The following ESR1 variants were observed in gnomAD, a reference collection of about 807,000 sequenced individuals.
ESR1 encodes estrogen receptor 1.
In ESR1, 12 loss-of-function variants were observed where a neutral mutation model predicts 52.7. The ratio of observed to expected loss-of-function variants is 0.23; its 90% CI spans 0.15 to 0.37. ESR1 has a LOEUF of 0.37. Ranked by LOEUF, ESR1 falls within the 10% of genes least tolerant of loss-of-function variation. The probability of loss-of-function intolerance (pLI) is 1.00; values close to 1 mark genes in which losing one functional copy is unlikely to be tolerated. For missense variants in ESR1, 584 were observed against 779.7 expected, an observed-to-expected ratio of 0.75 and a Z score of 2.99; for synonymous variants, 305 against 316.8, an observed-to-expected ratio of 0.96 and a Z score of 0.39.
intron 2 of ESR1, among the ~76,000 whole-genome samples, chr6:151,849,460 A>C (rs1785869620): frequency 6.6e-6 from 1 of 152,154 alleles, no homozygotes; most frequent in Non-Finnish European, 1.5e-5. Context: ...CCTGACCAAC[A>C]TGGTGAAACC....
chr6:152,052,359 C>T (rs1375777815), intron 5 of ESR1, among the ~76,000 whole-genome samples: 2 of 152,140 alleles, frequency 1.3e-5, no homozygotes, highest in Admixed American at 1.3e-4. Flanking sequence ...GCTCAATAAG[C>T]TCGCTGAATG....
chr6:151,854,019 G>T (rs754062574), intron 2 of ESR1, among the ~76,000 whole-genome samples: 2 of 152,112 alleles, frequency 1.3e-5, no homozygotes, highest in African/African-American at 4.8e-5. Context: ...ATGGTTCGTG[G>T]CCTAATTCCA....
chr6:151,770,335 A>G (rs1785411427), intron 2 of ESR1, among the ~76,000 whole-genome samples: 1 of 152,180 alleles, frequency 6.6e-6, no homozygotes, highest in South Asian at 2.1e-4. Flanking sequence ...TAAAATGGGA[A>G]AGCTATTTTG....
rs1206642175 is a variant in ESR1, at chr6:151,808,263, G to A, written c.351G>A (p.Leu117=). Residue 117 remains leucine (L), a synonymous_variant, in exon 1 of 8, where the codon CTG becomes CTA. Transcript: ENST00000206249. The part of the protein sequence containing the change: ...PLMLLHPPPQ[L]SPFLQPHGQQ... ...TGCTACTGCACCCGCCGCCGCAGCT[G>A]TCGCCTTTCCTGCAGCCCCACGGCC... The A allele has an allele frequency of 1.3e-6, 2 of 1,584,906 alleles. No individual in the cohort carries two copies. The highest frequency in any genetic ancestry group is 2.3e-5 in the East Asian group (1 of 43,948).
chr6:151,828,338 G>A (rs922177922), intron 1 of ESR1, among the ~76,000 whole-genome samples: 1 of 152,220 alleles, frequency 6.6e-6, no homozygotes, highest in Non-Finnish European at 1.5e-5. Context: ...TAAAACCTGT[G>A]TAACTGTAGC....
chr6:151,866,143 T>C (rs1789861823), intron 2 of ESR1, among the ~76,000 whole-genome samples: 1 of 152,242 alleles, frequency 6.6e-6, no homozygotes, highest in Admixed American at 6.5e-5. Flanking sequence ...ATAAGAACTA[T>C]GAAATGCTCC....
rs1238057148 is a variant in ESR1, at chr6:151,929,807, G to T, written c.761-14366G>T. On this transcript the variant is annotated intron_variant, in intron 3 of 7. Coordinates refer to ENST00000206249, the MANE Select transcript of ESR1 (RefSeq NM_000125.4). ...ATCTGACAATTTCCATCTTTTAACT[G>T]GTATATTTAAACAATTTATATTTAA... 2.0e-5 allele frequency among the ~76,000 whole-genome samples: 3 copies of T among 151,628 alleles called. No individual in the cohort carries two copies. In the East Asian group the frequency reaches 5.8e-4, roughly 29 times the overall value.
At chr6:152,124,621 A>G (rs1031005648) in intron 6 of ESR1, among the ~76,000 whole-genome samples, 5 of 152,226 alleles carry the variant, frequency 3.3e-5, no homozygotes, top group African/African-American at 9.6e-5. Context: ...CAAGAGCTCA[A>G]TCACCATCTA....
chr6:152,019,342 C>T (rs868385901), intron 5 of ESR1, among the ~76,000 whole-genome samples: 1 of 152,052 alleles, frequency 6.6e-6, no homozygotes, highest in South Asian at 2.1e-4. Flanking sequence ...GATTATCAGT[C>T]GTCAAAGTGC....
intron 1 of ESR1, among the ~76,000 whole-genome samples, chr6:151,685,043 G>A (rs9383939): frequency 0.095 from 14,330 of 150,772 alleles, 926 homozygotes; most frequent in East Asian, 0.37. Context: ...TGCAAGCTGG[G>A]AAGTTAAACT....
intron 2 of ESR1, among the ~76,000 whole-genome samples, chr6:151,730,760 A>G (rs1043101988): frequency 6.6e-6 from 1 of 152,220 alleles, no homozygotes; most frequent in Admixed American, 6.5e-5. Flanking sequence ...TGAGGTCTCA[A>G]GAATAAAGAG....
chr6:152,037,618 G>A (rs1301523940), intron 5 of ESR1, among the ~76,000 whole-genome samples: 3 of 152,170 alleles, frequency 2.0e-5, no homozygotes, highest in African/African-American at 7.2e-5. Flanking sequence ...GTTAAGTGGT[G>A]ATAATTTGGT....
At position 152,120,693 on chromosome 6, in the gene ESR1, A is replaced by G. The variant is rs1187326669; in HGVS notation, c.851-4573A>G. On this transcript the variant is annotated intron_variant, in intron 6 of 6. Coordinates refer to the ESR1 transcript ENST00000427531. ...TAGGAGGAATAAAGTCTCCTCAGGCATCTCTTTAAAATGCCGGCTCCCAGG... is the reference window on the plus strand; with the variant it reads ...TAGGAGGAATAAAGTCTCCTCAGGCGTCTCTTTAAAATGCCGGCTCCCAGG... 2.6e-5 allele frequency among the ~76,000 whole-genome samples: 4 copies of G among 152,144 alleles called. 1 individual carries two copies. The highest frequency in any genetic ancestry group is 9.7e-5 in the African/African-American group (4 of 41,446).
chr6:151,714,924 C>T (rs904662756), intron 2 of ESR1, among the ~76,000 whole-genome samples: 10 of 152,030 alleles, frequency 6.6e-5, no homozygotes, highest in South Asian at 2.1e-4. Context: ...TGCAGTTTCT[C>T]GTAGTGTTGA....
chr6:152,097,540 C>A (rs1585245640), intron 7 of ESR1, among the ~76,000 whole-genome samples: 2 of 152,062 alleles, frequency 1.3e-5, no homozygotes, highest in East Asian at 1.9e-4. Flanking sequence ...TTTTCTAAGA[C>A]CTTCTCTTGG....
chr6:151,889,910 G>T (rs1320769950), intron 3 of ESR1, among the ~76,000 whole-genome samples: 3 of 151,772 alleles, frequency 2.0e-5, no homozygotes, highest in Admixed American at 6.6e-5. Flanking sequence ...TTGACCCACT[G>T]GTTGGTTCTG....
chr6:151,919,162 G>C (rs1228963732), intron 3 of ESR1, among the ~76,000 whole-genome samples: 1 of 152,180 alleles, frequency 6.6e-6, no homozygotes, highest in Non-Finnish European at 1.5e-5. Flanking sequence ...CTGGACACAA[G>C]CAATGGTAAA....
intron 5 of ESR1, among the ~76,000 whole-genome samples, chr6:152,051,281 G>A (rs1562726252): frequency 6.6e-6 from 1 of 152,136 alleles, no homozygotes; most frequent in Non-Finnish European, 1.5e-5. Context: ...CATATCTAGA[G>A]AGTCAGTCAT....
At chr6:151,758,817 C>T (rs1784458855) in intron 2 of ESR1, among the ~76,000 whole-genome samples, 1 of 150,916 alleles carries the variant, frequency 6.6e-6, no homozygotes, top group Admixed American at 6.6e-5. Flanking sequence ...CAGGCAGTGA[C>T]TCACCCAGGG....
Sources: gnomAD v4.1 joint callset for allele counts (sites outside exome capture counted in the v4.1 genomes callset) on GRCh38, gnomAD v4.1.1 for gene constraint, MANE v1.5 for transcripts, NCBI Gene and HGNC (gene_info 2026-07-23, HGNC 2026-07-21) for gene names.